The following FXYD2 variants were observed in gnomAD, a reference collection of about 807,000 sequenced individuals.
FXYD2 encodes the protein sodium/potassium-transporting ATPase subunit gamma.
FXYD2 carries 8 observed loss-of-function variants against 11.8 expected under a neutral mutation model. The observed-to-expected ratio is 0.68, with a 90% CI of 0.40 to 1.22. FXYD2 has a LOEUF of 1.22. Among genes scored for constraint, FXYD2 ranks in the 50% most tolerant of loss-of-function variants. The pLI is 0.01. For synonymous variants in FXYD2, 42 were observed against 33.3 expected (o/e 1.26, Z -0.90); for missense variants, 92 against 91.8 (o/e 1.00, Z -0.01).
upstream of FXYD2, among the ~76,000 whole-genome samples, chr11:117,827,603 T>C (rs1361618044): frequency 6.6e-6 from 1 of 152,178 alleles, no homozygotes; most frequent in Admixed American, 6.5e-5. Context: ...GAAGGCATTA[T>C]TATCACCCCA....
intron 3 of FXYD2, 77 bp from the exon 4 acceptor site, chr11:117,820,972 G>A: frequency 3.1e-6 from 5 of 1,607,454 alleles, no homozygotes; most frequent in Non-Finnish European, 3.4e-6. Context: ...AATTCTTCCA[G>A]TCTCTCCTAC....
rs1203219798 is a variant in FXYD2, at chr11:117,822,780, CT to C, written c.26-64del. On this transcript the variant is annotated intron_variant, in intron 1 of 5. Coordinates refer to ENST00000292079, the MANE Select transcript of FXYD2 (RefSeq NM_001680.5). This position sits in a 1 kb window ranked among gnomAD's most constrained non-coding sequence, Gnocchi z 4.7. ...GATGGTGAGCCAGCCACAGGAACAGCTGGAATTCCCTGTCCTTCCCTTCCCA... is the reference window on the plus strand; with the variant it reads ...GATGGTGAGCCAGCCACAGGAACAGCGGAATTCCCTGTCCTTCCCTTCCCA... 4 of 1,580,356 alleles carry C rather than the reference CT, an allele frequency of 2.5e-6. No individual in the cohort carries two copies. In the African/African-American group the frequency reaches 5.4e-5, roughly 21 times the overall value.
At position 117,822,619 on chromosome 11, in the gene FXYD2, C is replaced by A; in HGVS notation, c.64+60G>T. ...GCATGGACCTGGGGCTGGGAGAGGC[C>A]GCTGCTTGGTGGAAGGGGTCCTGAG... On this transcript the variant is annotated intron_variant, in intron 2 of 5. Transcript: ENST00000292079. This position sits in a 1 kb window ranked among gnomAD's most constrained non-coding sequence, Gnocchi z 4.7. 6.3e-7 allele frequency: 1 copy of A among 1,591,210 alleles called. No individual in the cohort carries two copies. The highest frequency in any genetic ancestry group is 1.8e-5 in the Admixed American group (1 of 54,940).
At chr11:117,825,553 C>T (rs142525094), upstream of FXYD2, among the ~76,000 whole-genome samples, 2 of 152,284 alleles carry the variant, frequency 1.3e-5, no homozygotes, top group African/African-American at 4.8e-5. Flanking sequence ...TTTATGTTTC[C>T]CATTTTACTG....
upstream of FXYD2, among the ~76,000 whole-genome samples, chr11:117,825,448 G>T (rs879185805): frequency 3.3e-5 from 5 of 152,182 alleles, no homozygotes; most frequent in Admixed American, 6.5e-5. Flanking sequence ...GAGCATGCAG[G>T]ATCCTTAAGG....
upstream of FXYD2, among the ~76,000 whole-genome samples, chr11:117,827,079 AATAGAGAG>A (rs772045726): frequency 5.3e-5 from 7 of 132,210 alleles, no homozygotes; most frequent in East Asian, 2.2e-4. Context: ...TAGATAGATA[AATAGAGAG>A]ATAGATAGAT....
chr11:117,822,227 C>T lies in FXYD2; in HGVS notation c.139+179G>A, dbSNP rs989069868. ...TGCACTTGAGCAAGCAGGAACCTCACACTGTGCTCCCAGCGAGCCTGGCAC... is the reference window on the plus strand; with the variant it reads ...TGCACTTGAGCAAGCAGGAACCTCATACTGTGCTCCCAGCGAGCCTGGCAC... On this transcript the variant is annotated intron_variant, in intron 3 of 5. Coordinates refer to ENST00000292079, the MANE Select transcript of FXYD2 (RefSeq NM_001680.5). The surrounding 1 kb of genome is among the most constrained non-coding windows in gnomAD (Gnocchi z 4.7). The T allele has an allele frequency of 6.7e-7, 1 of 1,496,962 alleles. No homozygotes were observed. Among genetic ancestry groups the T allele is most frequent in the Non-Finnish European group, 8.9e-7 (1 of 1,123,696 alleles). The allele number at this position is 1,496,962 out of a possible 1,614,324, so 92.7% of individuals were successfully genotyped here. A position where few individuals can be genotyped will look rare whatever the true frequency, so the allele number is the denominator to read the frequency against.
At chr11:117,826,822 A>ATCTC (rs751194466), upstream of FXYD2, among the ~76,000 whole-genome samples, 19 of 138,730 alleles carry the variant, frequency 1.4e-4, no homozygotes, top group South Asian at 2.4e-4. Flanking sequence ...CTATCTATCT[A>ATCTC]TCTGTCTATC....
At chr11:117,821,991 T>G (rs1044533554) in intron 3 of FXYD2, 7 of 1,150,964 alleles carry the variant, frequency 6.1e-6, no homozygotes, top group Non-Finnish European at 6.5e-6. Flanking sequence ...GAGTCTGCAC[T>G]GGACCGTTCT....
In FXYD2 at chr11:117,820,873, GC is replaced by G; in HGVS notation, c.161del (p.Gly54AlafsTer65). On this transcript the variant is annotated frameshift_variant, in exon 4 of 6. Coordinates refer to ENST00000292079, the MANE Select transcript of FXYD2 (RefSeq NM_001680.5). LOFTEE classifies it high-confidence loss of function. ...GCAGCGCTCACCTGCGCTTCTTATT[GC>G]CCCCACAGCGGAATCTTCTGCCTTG... is the stretch of plus-strand genomic sequence containing the variant. ...ILLSRRFRCG[G>X]NKKRRQINED... 6.2e-7 allele frequency: 1 copy of G among 1,606,328 alleles called. No homozygotes were observed. The highest frequency in any genetic ancestry group is 8.5e-7 in the Non-Finnish European group (1 of 1,178,166).
In FXYD2 at chr11:117,821,468, C is replaced by T. The variant is rs1205837908; in HGVS notation, c.140-573G>A. ...GATCCACGGTGGTCTGTTGGCATAT[C>T]GAGAGTAGCAGCAGAGACTGGGCCA... On this transcript the variant is annotated intron_variant, in intron 3 of 5. Transcript: ENST00000292079. The T allele has an allele frequency of 7.1e-6, 7 of 986,358 alleles. No individual in the cohort carries two copies. The East Asian group carries it at 3.4e-4, about 48-fold the overall frequency. 61.1% of individuals were successfully genotyped at this position (986,358 alleles called of 1,614,324 possible). A position where few individuals can be genotyped will look rare whatever the true frequency, so the allele number is the denominator to read the frequency against.
chr11:117,826,798 ATCTATCTATCTATCTATCTATCTATCTG>A (rs2056047625), upstream of FXYD2, among the ~76,000 whole-genome samples: 3 of 143,486 alleles, frequency 2.1e-5, no homozygotes, highest in South Asian at 7.3e-4. Flanking sequence ...CTATCTATCT[ATCTATCTATCTATCTATCTATCTATCTG>A]TCTATCTATC....
chr11:117,821,225 T>TA (rs148840544), intron 3 of FXYD2: 62,307 of 496,300 alleles, frequency 0.13, 4,741 homozygotes, highest in East Asian at 0.21. Flanking sequence ...CCCAGCTAAT[T>TA]AAAAAAATTT....
Position 117,824,394 on chromosome 11 carries a change from C to G in FXYD2, c.25+260G>C. The stretch of plus-strand genomic sequence containing the variant: ...TCAGGGCGGGTGTGTGCCAGGAGGC[C>G]GAGGAGGAACGCTCAGCTCTCCAGC... On this transcript the variant is annotated intron_variant, in intron 1 of 5. Coordinates refer to ENST00000292079, the MANE Select transcript of FXYD2 (RefSeq NM_001680.5). The surrounding 1 kb of genome is among the most constrained non-coding windows in gnomAD (Gnocchi z 4.0). The G allele has an allele frequency of 1.7e-6, 1 of 592,998 alleles. No individual in the cohort carries two copies. Among genetic ancestry groups the G allele is most frequent in the Non-Finnish European group, 3.0e-6 (1 of 330,334 alleles). The allele number at this position is 592,998 out of a possible 1,614,324, so 36.7% of individuals were successfully genotyped here.
At position 117,824,597 on chromosome 11, in the gene FXYD2, G is replaced by T; in HGVS notation, c.25+57C>A. ...GGTCCAGCTGACCCCACAAAGGCAG[G>T]CCAATCAGAGCCACCCAGCATTGCA... On this transcript the variant is annotated intron_variant, in intron 1 of 5. Transcript: ENST00000292079. This position sits in a 1 kb window ranked among gnomAD's most constrained non-coding sequence, Gnocchi z 4.0. 2 of 1,435,204 alleles carry T rather than the reference G, an allele frequency of 1.4e-6. No homozygotes were observed. The highest frequency in any genetic ancestry group is 9.8e-7 in the Non-Finnish European group (1 of 1,017,662). 88.9% of individuals were successfully genotyped at this position (1,435,204 alleles called of 1,614,324 possible). A position where few individuals can be genotyped will look rare whatever the true frequency, so the allele number is the denominator to read the frequency against.
rs887254090 is a variant in FXYD2 at position 117,820,964 on chromosome 11, T to C, written c.140-69A>G. ...CAAGGAGACCCTGGAAGACTCAAAA[T>C]TCTTCCAGTCTCTCCTACCTCCCTC... On this transcript the variant is annotated intron_variant, in intron 3 of 5. Coordinates refer to ENST00000292079, the MANE Select transcript of FXYD2 (RefSeq NM_001680.5). 2.4e-5 allele frequency: 39 copies of C among 1,610,742 alleles called. No homozygotes were observed. The East Asian group carries it at 6.7e-4, about 28-fold the overall frequency.
chr11:117,820,396 G>A, intron 5 of FXYD2, 24 bp from the exon 6 acceptor site: 1 of 546,634 alleles, frequency 1.8e-6, no homozygotes, highest in Non-Finnish European at 3.2e-6. Context: ...GGCAGGATGG[G>A]GTTGGGTGGG....
chr11:117,821,030 T>A, intron 3 of FXYD2, 135 bp from the exon 4 acceptor site: 1 of 1,043,400 alleles, frequency 9.6e-7, no homozygotes, highest in Non-Finnish European at 1.4e-6. Context: ...AGGCCACGTT[T>A]GACTGTCTCT....
upstream of FXYD2, chr11:117,824,771 C>A: frequency 6.6e-7 from 1 of 1,518,996 alleles, no homozygotes; most frequent in African/African-American, 1.4e-5. This position sits in a 1 kb window ranked among gnomAD's most constrained non-coding sequence, Gnocchi z 4.0. Flanking sequence ...TGGCCGGGGA[C>A]GAGGTGCGGG....
Sources: allele counts gnomAD v4.1 joint callset (sites outside exome capture counted in the v4.1 genomes callset), GRCh38; gene constraint gnomAD v4.1.1; non-coding constraint Gnocchi (gnomAD v3.1); transcripts MANE v1.5; gene names NCBI Gene and HGNC (gene_info 2026-07-23, HGNC 2026-07-21).